NRXN3: variants seen among roughly 807,000 people sequenced by gnomAD.
The protein encoded by NRXN3 is neurexin III.
Under a neutral mutation model 137.6 loss-of-function variants are expected in NRXN3, and 32 were observed. The observed-to-expected ratio is 0.23, with a 90% CI of 0.18 to 0.31. The LOEUF is 0.31. Among genes scored for constraint, NRXN3 ranks in the 10% least tolerant of loss-of-function variants. The pLI is 1.00. For missense variants in NRXN3, 1,574 were observed against 2,062.5 expected (o/e 0.76, Z 4.59); for synonymous variants, 798 against 784.5 (o/e 1.02, Z -0.29).
At chr14:78,899,640 G>A (rs537601951) in intron 10 of NRXN3, among the ~76,000 whole-genome samples, 100 of 151,980 alleles carry the variant, frequency 6.6e-4, no homozygotes, top group African/African-American at 2.2e-3. Context: ...CAGAATAAAT[G>A]CAAAATGTTC....
At chr14:78,555,179 G>C (rs1031293755) in intron 4 of NRXN3, among the ~76,000 whole-genome samples, 4 of 152,086 alleles carry the variant, frequency 2.6e-5, no homozygotes, top group African/African-American at 9.6e-5. Flanking sequence ...TACTGTGCTT[G>C]GTATAAACTA....
intron 4 of NRXN3, among the ~76,000 whole-genome samples, chr14:78,471,334 C>CCA: frequency 9.7e-5 from 1 of 10,360 alleles, no homozygotes; most frequent in African/African-American, 2.6e-4. Context: ...ACACACACAC[C>CCA]CCCAAGAAAT....
At chr14:78,687,263 G>A (rs751501875) in intron 6 of NRXN3, among the ~76,000 whole-genome samples, 5 of 152,218 alleles carry the variant, frequency 3.3e-5, no homozygotes, top group Admixed American at 6.5e-5. Context: ...TTTAGCAAGG[G>A]AGTGACTGGT....
chr14:79,776,437 A>C (rs1443515411), intron 19 of NRXN3, among the ~76,000 whole-genome samples: 1 of 152,216 alleles, frequency 6.6e-6, no homozygotes, highest in Non-Finnish European at 1.5e-5. Flanking sequence ...CTCTGTGATC[A>C]CGTGGCAGTC....
intron 1 of NRXN3, among the ~76,000 whole-genome samples, chr14:78,214,670 C>A (rs752137293): frequency 6.6e-6 from 1 of 152,066 alleles, no homozygotes; most frequent in African/African-American, 2.4e-5. Context: ...CAAGGCAGAG[C>A]GAGGCACACT....
intron 1 of NRXN3, among the ~76,000 whole-genome samples, chr14:78,203,862 G>C (rs2061930328): frequency 6.7e-6 from 1 of 150,010 alleles, no homozygotes; most frequent in Non-Finnish European, 1.5e-5. Flanking sequence ...TGTGGTTTGT[G>C]TGTGTGTGTG....
intron 15 of NRXN3, among the ~76,000 whole-genome samples, chr14:79,376,308 G>A (rs562582844): frequency 7.0e-6 from 1 of 143,304 alleles, no homozygotes; most frequent in South Asian, 2.2e-4. Flanking sequence ...TACAAATTGT[G>A]TGTCACTTCC....
chr14:79,506,192 A>G (rs1353894753), intron 16 of NRXN3, among the ~76,000 whole-genome samples: 1 of 152,162 alleles, frequency 6.6e-6, no homozygotes, highest in Non-Finnish European at 1.5e-5. Context: ...CAGGTCTCAT[A>G]TACATTCAAG....
intron 4 of NRXN3, among the ~76,000 whole-genome samples, chr14:78,494,526 C>T (rs1292272905): frequency 1.3e-5 from 2 of 150,338 alleles, no homozygotes; most frequent in East Asian, 4.0e-4. Flanking sequence ...AATGGTCTCG[C>T]TGTAACCTAA....
At chr14:79,349,613 A>G (rs1324724101) in intron 15 of NRXN3, among the ~76,000 whole-genome samples, 1 of 151,390 alleles carries the variant, frequency 6.6e-6, no homozygotes, top group Non-Finnish European at 1.5e-5. Flanking sequence ...TAATATGTTG[A>G]TGTCCTAACC....
chr14:78,863,065 T>G (rs1430752645), intron 10 of NRXN3, among the ~76,000 whole-genome samples: 1 of 152,148 alleles, frequency 6.6e-6, no homozygotes, highest in Non-Finnish European at 1.5e-5. Context: ...GTATTTAAGC[T>G]AAACTCCTGC....
Position 78,784,054 on chromosome 14 carries a change from T to C in NRXN3, c.2045-19566T>C, listed in dbSNP as rs1450425952. Among the ~76,000 whole-genome samples, 3 of 97,418 alleles carry C rather than the reference T, an allele frequency of 3.1e-5. No homozygotes were observed. The Admixed American group carries it at 3.4e-4, about 11-fold the overall frequency. 63.9% of individuals were successfully genotyped at this position (97,418 alleles called of 152,430 possible). A position where few individuals can be genotyped will look rare whatever the true frequency, so the allele number is the denominator to read the frequency against. ...AGCTTACAGCCTAGAAGAAGTCAGA[T>C]AACACATGAGAAAAAAAAAAAAAAA... On this transcript the variant is annotated intron_variant, in intron 8 of 20. Coordinates refer to ENST00000335750, the MANE Select transcript of NRXN3 (RefSeq NM_001330195.2).
At position 78,243,637 on chromosome 14, in the gene NRXN3, G is replaced by A. The variant is rs865975511; in HGVS notation, c.544G>A (p.Gly182Arg). The change falls in exon 2 of 21, where the codon GGA (glycine) becomes AGA (arginine). Residue 182 changes from glycine to arginine, a missense_variant. This residue lies in a region of NRXN3 where 400 missense variants were observed against 527.3 expected (regional missense o/e 0.76). Coordinates refer to ENST00000335750, the MANE Select transcript of NRXN3 (RefSeq NM_001330195.2). This position sits in a 1 kb window ranked among gnomAD's most constrained non-coding sequence, Gnocchi z 4.2. ...GGGGTTAATTCTGGATCTCAAGTAT[G>A]GAAACTCGGAGCCTCGGCTTCTGGG... ...FKGLILDLKY[G>R]NSEPRLLGSR... is the part of the protein sequence containing the mutation. 6.3e-7 allele frequency: 1 copy of A among 1,598,406 alleles called. No individual in the cohort carries two copies. Among genetic ancestry groups the A allele is most frequent in the Non-Finnish European group, 8.5e-7 (1 of 1,179,810 alleles).
intron 10 of NRXN3, among the ~76,000 whole-genome samples, chr14:78,882,203 G>T (rs1340104476): frequency 6.6e-6 from 1 of 151,814 alleles, no homozygotes. Context: ...GAGCCCTCAT[G>T]GAGAAGCTCT....
intron 16 of NRXN3, among the ~76,000 whole-genome samples, chr14:79,596,124 C>T (rs1362856275): frequency 6.6e-6 from 1 of 151,234 alleles, no homozygotes; most frequent in East Asian, 2.0e-4. Context: ...GTACGTAATA[C>T]ACCCTTTCTA....
intron 6 of NRXN3, among the ~76,000 whole-genome samples, chr14:78,693,154 A>G (rs2098189944): frequency 6.6e-6 from 1 of 152,034 alleles, no homozygotes; most frequent in Non-Finnish European, 1.5e-5. Context: ...CTTGGCACTT[A>G]GTATCTAGCC....
At chr14:79,556,762 C>A (rs2097433801) in intron 16 of NRXN3, among the ~76,000 whole-genome samples, 1 of 152,106 alleles carries the variant, frequency 6.6e-6, no homozygotes, top group South Asian at 2.1e-4. Context: ...CACTATGTTG[C>A]CCAGGTTGGT....
At chr14:79,691,291 C>T (rs1411225095) in intron 17 of NRXN3, among the ~76,000 whole-genome samples, 2 of 151,924 alleles carry the variant, frequency 1.3e-5, no homozygotes, top group Admixed American at 6.6e-5. Context: ...GTATTCCTAA[C>T]AGGCTTTATG....
intron 20 of NRXN3, among the ~76,000 whole-genome samples, chr14:79,847,050 T>C (rs1028432516): frequency 1.3e-5 from 2 of 152,178 alleles, no homozygotes; most frequent in Admixed American, 1.3e-4. Flanking sequence ...TTTGTTACTA[T>C]TGTGTTCAAA....
Sources: gnomAD v4.1 joint callset for allele counts (sites outside exome capture counted in the v4.1 genomes callset) on GRCh38, gnomAD v4.1.1 for gene constraint, gnomAD v4.1.1 regional missense constraint, Gnocchi (gnomAD v3.1) non-coding constraint, MANE v1.5 for transcripts, NCBI Gene and HGNC (gene_info 2026-07-23, HGNC 2026-07-21) for gene names.